The following DRC5 variants were observed in gnomAD, a reference collection of about 807,000 sequenced individuals.
DRC5 encodes dynein regulatory complex subunit 5, also known as T-complex-associated testis-expressed protein 1.
At chr6:44,280,131 G>C in the DRC5 span, 1 of 1,508,568 alleles carries the variant, frequency 6.6e-7, no homozygotes. Context: ...GGCATGGCAG[G>C]GGTATGAAAT....
chr6:44,288,656 A>G, the DRC5 span, among the ~76,000 whole-genome samples: 14 of 152,334 alleles, frequency 9.2e-5, no homozygotes, highest in African/African-American at 2.6e-4. Context: ...AATGCAAGCC[A>G]CATATGCTAT....
the DRC5 span, chr6:44,280,111 C>T: frequency 7.2e-7 from 1 of 1,397,276 alleles, no homozygotes; most frequent in Non-Finnish European, 1.0e-6. Context: ...CAGTGTGATA[C>T]TCTGCAGCAG....
chr6:44,295,805 T>C, the DRC5 span, among the ~76,000 whole-genome samples: 1 of 152,156 alleles, frequency 6.6e-6, no homozygotes, highest in Non-Finnish European at 1.5e-5. Flanking sequence ...CTGTGCAACC[T>C]TGGGCAGGTC....
At chr6:44,288,970 G>T in the DRC5 span, among the ~76,000 whole-genome samples, 1 of 111,566 alleles carries the variant, frequency 9.0e-6, no homozygotes, top group African/African-American at 3.4e-5. Context: ...CTCCAGCCTG[G>T]GTGATAGAGC....
the DRC5 span, chr6:44,287,524 C>T: frequency 1.9e-6 from 3 of 1,583,910 alleles, no homozygotes; most frequent in Admixed American, 5.1e-5. Context: ...CTTCTCCTGC[C>T]CACCTAAAGC....
the DRC5 span, chr6:44,286,169 G>A: frequency 1.2e-6 from 2 of 1,613,014 alleles, no homozygotes; most frequent in Non-Finnish European, 1.7e-6. Context: ...CTCGCTGCCT[G>A]AGTCGGACTG....
the DRC5 span, among the ~76,000 whole-genome samples, chr6:44,285,801 AC>A: frequency 1.3e-4 from 19 of 151,712 alleles, no homozygotes; most frequent in African/African-American, 3.6e-4. Context: ...TCATCTCTAC[AC>A]CCCCAGAACC....
At chr6:44,280,043 A>G in the DRC5 span, 1 of 785,014 alleles carries the variant, frequency 1.3e-6, no homozygotes, top group Non-Finnish European at 2.1e-6. Flanking sequence ...GTCTCCATCC[A>G]TACAACCCTT....
At chr6:44,291,864 C>T in the DRC5 span, among the ~76,000 whole-genome samples, 9 of 152,166 alleles carry the variant, frequency 5.9e-5, no homozygotes, top group Non-Finnish European at 7.3e-5. Flanking sequence ...ATCCAGATGC[C>T]GGCACCAGAA....
chr6:44,290,183 G>A, the DRC5 span, among the ~76,000 whole-genome samples: 3 of 152,102 alleles, frequency 2.0e-5, no homozygotes, highest in Admixed American at 6.5e-5. Flanking sequence ...TAGGGCTGGA[G>A]GGGGTTGCTG....
chr6:44,292,117 C>T, the DRC5 span, among the ~76,000 whole-genome samples: 1 of 152,228 alleles, frequency 6.6e-6, no homozygotes, highest in African/African-American at 2.4e-5. Flanking sequence ...AGCCCTCTAG[C>T]AGCTCACCAC....
At chr6:44,292,645 C>A in the DRC5 span, among the ~76,000 whole-genome samples, 13 of 152,268 alleles carry the variant, frequency 8.5e-5, no homozygotes, top group African/African-American at 3.1e-4. Context: ...TTGGTCAGGG[C>A]AACTTGTTGG....
chr6:44,294,736 C>T, the DRC5 span, among the ~76,000 whole-genome samples: 1 of 131,676 alleles, frequency 7.6e-6, no homozygotes, highest in Non-Finnish European at 1.6e-5. Context: ...TGCGCCACTA[C>T]ACTCCAGCCT....
chr6:44,287,259 T>C, the DRC5 span: 3 of 984,714 alleles, frequency 3.0e-6, no homozygotes, highest in Non-Finnish European at 3.6e-6. Flanking sequence ...AGGAAGTAGA[T>C]ATGGCTCAGG....
the DRC5 span, chr6:44,282,533 C>T: frequency 7.5e-6 from 12 of 1,595,412 alleles, no homozygotes; most frequent in African/African-American, 6.7e-5. Flanking sequence ...TGTCATCATC[C>T]ACCTTGCTTC....
chr6:44,291,018 T>C, the DRC5 span, among the ~76,000 whole-genome samples: 2 of 152,222 alleles, frequency 1.3e-5, no homozygotes, highest in Non-Finnish European at 2.9e-5. Context: ...CCTCTGGGCA[T>C]GACACAGCAG....
the DRC5 span, among the ~76,000 whole-genome samples, chr6:44,295,282 G>A: frequency 6.6e-6 from 1 of 152,174 alleles, no homozygotes; most frequent in South Asian, 2.1e-4. Flanking sequence ...GATGTGCTGC[G>A]CTCTCAGAGG....
chr6:44,286,139 G>A, the DRC5 span: 3 of 1,613,976 alleles, frequency 1.9e-6, no homozygotes, highest in Middle Eastern at 1.6e-4. Context: ...GTGGTCAACG[G>A]TGGGCTCCTC....
the DRC5 span, among the ~76,000 whole-genome samples, chr6:44,282,799 CTT>C: frequency 2.5e-3 from 259 of 105,228 alleles, 1 homozygote; most frequent in African/African-American, 8.8e-3. Context: ...CCTTTTTTAT[CTT>C]TTTTTTTTTT....
Sources: gnomAD v4.1 joint callset for allele counts (sites outside exome capture counted in the v4.1 genomes callset) on GRCh38, gnomAD v4.1.1 for gene constraint, MANE v1.5 for transcripts, NCBI Gene and HGNC (gene_info 2026-07-23, HGNC 2026-07-21) for gene names.